SYNE2: variants seen among roughly 807,000 people sequenced by gnomAD.
SYNE2 encodes the protein nesprin-2.
Under a neutral mutation model 856.3 loss-of-function variants are expected in SYNE2, and 431 were observed. That is an observed-to-expected ratio of 0.50 (90% CI 0.47 to 0.55). SYNE2 has a LOEUF of 0.55. Among genes scored for constraint, SYNE2 ranks in the 20% least tolerant of loss-of-function variants. SYNE2 has a pLI of 0.00. For synonymous variants in SYNE2, 2,923 were observed against 2,872.3 expected (o/e 1.02, Z -0.56); for missense variants, 8,129 against 8,023.2 (o/e 1.01, Z -0.50).
chr14:63,932,875 ACGT>A (rs1027836096), intron 2 of SYNE2, among the ~76,000 whole-genome samples: 3 of 152,156 alleles, frequency 2.0e-5, no homozygotes, highest in African/African-American at 7.2e-5. Context: ...AAAGGGTGAA[ACGT>A]CGTTGGCGAA....
chr14:64,208,707 T>A (rs2098622421), intron 100 of SYNE2, 51 bp from the exon 101 acceptor site: 1 of 1,602,756 alleles, frequency 6.2e-7, no homozygotes, highest in Non-Finnish European at 8.5e-7. Flanking sequence ...ATGCTGACCC[T>A]CCTGCTGCCA....
intron 9 of SYNE2, among the ~76,000 whole-genome samples, chr14:63,963,508 C>T (rs2096349623): frequency 6.6e-6 from 1 of 152,180 alleles, no homozygotes; most frequent in East Asian, 1.9e-4. Flanking sequence ...TATTTTTAGG[C>T]TCTCGAAAGT....
At chr14:64,169,359 TC>T (rs2098399169) in intron 93 of SYNE2, among the ~76,000 whole-genome samples, 2 of 152,248 alleles carry the variant, frequency 1.3e-5, no homozygotes, top group African/African-American at 2.4e-5. Flanking sequence ...TTCCTAATGT[TC>T]CCAGTAGGTA....
intron 1 of SYNE2, among the ~76,000 whole-genome samples, chr14:63,874,777 T>G (rs2094676878): frequency 6.6e-6 from 1 of 152,206 alleles, no homozygotes; most frequent in South Asian, 2.1e-4. Flanking sequence ...CTTCATTAAG[T>G]AACTTTTTAT....
chr14:63,810,293 A>G (rs1566580481), intron 1 of SYNE2, among the ~76,000 whole-genome samples: 1 of 152,192 alleles, frequency 6.6e-6, no homozygotes, highest in Admixed American at 6.6e-5. Context: ...TATCTGATAC[A>G]TTAAATTGCA....
At chr14:64,101,363 C>T (rs2097727879) in intron 63 of SYNE2, among the ~76,000 whole-genome samples, 1 of 152,106 alleles carries the variant, frequency 6.6e-6, no homozygotes, top group African/African-American at 2.4e-5. Flanking sequence ...ATTTGCATTT[C>T]CCTGGTGATT....
chr14:63,865,575 G>A (rs1466001639), intron 1 of SYNE2, among the ~76,000 whole-genome samples: 2 of 151,578 alleles, frequency 1.3e-5, no homozygotes, highest in Admixed American at 6.6e-5. Context: ...GTAGAGATGG[G>A]GTTTCACCAT....
chr14:64,122,442 A>G lies in SYNE2; in HGVS notation c.13422+15A>G, dbSNP rs2097904959. On this transcript the variant is annotated intron_variant, in intron 70 of 115. Transcript: ENST00000555002. ...TGGAGCCTCAGGTCAGTCTGTATCT[A>G]CATGGTGCAAATAGCCTGTTTATCT... 1.2e-6 allele frequency: 2 copies of G among 1,614,082 alleles called. No homozygotes were observed. The highest frequency in any genetic ancestry group is 1.3e-5 in the African/African-American group (1 of 74,936).
chr14:63,975,345 G>A (rs2096533717), intron 11 of SYNE2, among the ~76,000 whole-genome samples: 1 of 151,038 alleles, frequency 6.6e-6, no homozygotes, highest in Admixed American at 6.6e-5. Flanking sequence ...ATTTTGTTTT[G>A]TTTTTGAGAC....
At chr14:63,962,714 GTA>G (rs1566921126) in intron 9 of SYNE2, among the ~76,000 whole-genome samples, 1 of 151,954 alleles carries the variant, frequency 6.6e-6, no homozygotes. Flanking sequence ...CTAATTTTTT[GTA>G]TTTTTAGTAG....
intron 2 of SYNE2, among the ~76,000 whole-genome samples, chr14:63,926,026 T>C (rs963148579): frequency 6.6e-6 from 1 of 152,096 alleles, no homozygotes; most frequent in Non-Finnish European, 1.5e-5. Context: ...TATTTTTTTG[T>C]GGAGACCTGG....
chr14:63,995,238 A>G, intron 23 of SYNE2, 36 bp downstream of exon 23: 3 of 1,576,226 alleles, frequency 1.9e-6, no homozygotes, highest in Non-Finnish European at 1.7e-6. Context: ...TTTTGTCATC[A>G]TTTTGGGGTT....
chr14:64,123,215 A>G (rs1317563301), intron 70 of SYNE2, among the ~76,000 whole-genome samples: 5 of 152,170 alleles, frequency 3.3e-5, no homozygotes, highest in African/African-American at 4.8e-5. Flanking sequence ...GCACTGGCCA[A>G]TCGGTGTTCC....
chr14:63,950,054 AACCAAC>A, intron 7 of SYNE2, 48 bp downstream of exon 7: 1 of 1,591,912 alleles, frequency 6.3e-7, no homozygotes, highest in Non-Finnish European at 8.6e-7. Context: ...CAGCTGTATC[AACCAAC>A]ACCACCTCAC....
At chr14:64,205,142 A>C (rs1346166029) in intron 100 of SYNE2, among the ~76,000 whole-genome samples, 1 of 152,074 alleles carries the variant, frequency 6.6e-6, no homozygotes, top group African/African-American at 2.4e-5. Context: ...CTGATTAGCA[A>C]CCGTAATTCT....
At chr14:64,024,148 T>G (rs1472944879) in intron 38 of SYNE2, 109 bp from the exon 39 acceptor site, 2 of 869,870 alleles carry the variant, frequency 2.3e-6, no homozygotes, top group Non-Finnish European at 3.8e-6. Flanking sequence ...GTATAGGATC[T>G]TAAGAAGGTG....
intron 58 of SYNE2, 72 bp downstream of exon 58, chr14:64,087,928 A>G: frequency 1.3e-6 from 2 of 1,542,322 alleles, no homozygotes; most frequent in Non-Finnish European, 1.8e-6. Context: ...CATCCCTATA[A>G]TTCCAGCACT....
At chr14:63,926,424 G>A (rs1268557360) in intron 2 of SYNE2, among the ~76,000 whole-genome samples, 1 of 152,146 alleles carries the variant, frequency 6.6e-6, no homozygotes, top group African/African-American at 2.4e-5. Flanking sequence ...CTATGCCAGG[G>A]ATTGACAAAC....
intron 1 of SYNE2, among the ~76,000 whole-genome samples, chr14:63,884,409 A>G (rs906000065): frequency 2.6e-5 from 4 of 152,066 alleles, no homozygotes; most frequent in African/African-American, 9.7e-5. Context: ...CTTGGTACCT[A>G]CTTTGCATCA....
Sources: gnomAD v4.1 joint callset for allele counts (sites outside exome capture counted in the v4.1 genomes callset) on GRCh38, gnomAD v4.1.1 for gene constraint, MANE v1.5 for transcripts, NCBI Gene and HGNC (gene_info 2026-07-23, HGNC 2026-07-21) for gene names.